Variants in RFX8 observed in about 807,000 individuals in gnomAD.
The protein encoded by RFX8 is DNA-binding protein RFX8.
RFX8 carries 46 observed loss-of-function variants against 54.6 expected under a neutral mutation model. The observed-to-expected ratio is 0.84, with a 90% confidence interval of 0.67 to 1.08. The LOEUF is 1.08. Ranked by LOEUF, RFX8 falls within the 50% of genes least tolerant of loss-of-function variation. RFX8 has a pLI of 0.00. For synonymous variants in RFX8, 192 were observed against 209.5 expected (o/e 0.92, Z 0.72); for missense variants, 536 against 562.3 (o/e 0.95, Z 0.47).
chr2:101,405,063 C>A (rs1685652899), intron 10 of RFX8, among the ~76,000 whole-genome samples: 1 of 152,006 alleles, frequency 6.6e-6, no homozygotes, highest in Admixed American at 6.6e-5. Flanking sequence ...AGGAAGGTGC[C>A]TGGGAAACAA....
At chr2:101,451,975 C>T (rs1480259195) in intron 2 of RFX8, among the ~76,000 whole-genome samples, 1 of 152,044 alleles carries the variant, frequency 6.6e-6, no homozygotes, top group Non-Finnish European at 1.5e-5. Flanking sequence ...CACCTGCAGT[C>T]CTAGCTACTC....
intron 2 of RFX8, among the ~76,000 whole-genome samples, chr2:101,457,432 A>T (rs940478717): frequency 1.3e-5 from 2 of 152,212 alleles, no homozygotes; most frequent in Non-Finnish European, 2.9e-5. Flanking sequence ...TTTCAAAAAG[A>T]ACATCTCTAT....
At chr2:101,403,095 A>G (rs532577236) in intron 10 of RFX8, among the ~76,000 whole-genome samples, 27 of 152,304 alleles carry the variant, frequency 1.8e-4, no homozygotes, top group Non-Finnish European at 3.5e-4. Flanking sequence ...ATCGTGCCCC[A>G]TGTATGATCC....
At chr2:101,410,085 T>C (rs1554068) in intron 9 of RFX8, among the ~76,000 whole-genome samples, 149,181 of 152,144 alleles carry the variant, frequency 0.98, 73,298 homozygotes, top group Middle Eastern at 1. Context: ...CCCCCTGAAA[T>C]AGACAAAACC....
At chr2:101,468,594 T>C (rs1689713337) in intron 1 of RFX8, among the ~76,000 whole-genome samples, 2 of 152,172 alleles carry the variant, frequency 1.3e-5, no homozygotes, top group East Asian at 3.9e-4. Context: ...ATGGCTAGTA[T>C]CTCTGTGAAT....
chr2:101,440,189 G>C (rs1280258972), intron 2 of RFX8, among the ~76,000 whole-genome samples: 1 of 151,612 alleles, frequency 6.6e-6, no homozygotes, highest in East Asian at 1.9e-4. Flanking sequence ...TTTTTTTAAA[G>C]CATATCCACA....
intron 2 of RFX8, among the ~76,000 whole-genome samples, chr2:101,466,057 G>A (rs1344278917): frequency 6.6e-6 from 1 of 152,208 alleles, no homozygotes; most frequent in Non-Finnish European, 1.5e-5. Context: ...ACTGTGTTTG[G>A]AAGAACGGAT....
chr2:101,473,043 A>G (rs1410438330), intron 1 of RFX8, among the ~76,000 whole-genome samples: 1 of 152,028 alleles, frequency 6.6e-6, no homozygotes, highest in East Asian at 1.9e-4. Flanking sequence ...GAAAAGAAAG[A>G]AAGGAAAAGA....
intron 11 of RFX8, among the ~76,000 whole-genome samples, chr2:101,402,144 G>A (rs978440264): frequency 6.6e-6 from 1 of 152,226 alleles, no homozygotes; most frequent in African/African-American, 2.4e-5. Context: ...TGCTACTGCT[G>A]AGTTAGTCTA....
intron 2 of RFX8, among the ~76,000 whole-genome samples, chr2:101,449,274 C>T (rs781642008): frequency 1.1e-4 from 17 of 152,118 alleles, no homozygotes; most frequent in Non-Finnish European, 2.2e-4. Flanking sequence ...CAAGCACTCA[C>T]GTGTTTCTGA....
intron 2 of RFX8, among the ~76,000 whole-genome samples, chr2:101,442,063 C>T (rs1688129664): frequency 6.6e-6 from 1 of 152,156 alleles, no homozygotes; most frequent in South Asian, 2.1e-4. Context: ...TTGAGTACAT[C>T]TCTTGGTATA....
intron 10 of RFX8, among the ~76,000 whole-genome samples, chr2:101,405,221 G>T (rs922452778): frequency 1.3e-5 from 2 of 150,260 alleles, no homozygotes; most frequent in Non-Finnish European, 3.0e-5. Context: ...ATCTCAGCTC[G>T]CCACAACTTC....
intron 2 of RFX8, among the ~76,000 whole-genome samples, chr2:101,440,966 A>ATTTT (rs70946645): frequency 0.03 from 3,410 of 113,332 alleles, 174 homozygotes; most frequent in African/African-American, 0.037. Flanking sequence ...CCATGTTGAA[A>ATTTT]TTTTTTTTTT....
rs144389802 is a variant in RFX8, at chr2:101,410,551, G to A, written c.813+68C>T. The A allele has an allele frequency of 4.5e-3, 3,600 of 796,660 alleles. 24 individuals carry two copies. The highest frequency in any genetic ancestry group is 3.9e-3 in the Non-Finnish European group (1,877 of 483,990). The allele number at this position is 796,660 out of a possible 1,614,324, so 49.3% of individuals were successfully genotyped here. A position where few individuals can be genotyped will look rare whatever the true frequency, so the allele number is the denominator to read the frequency against. ...TAAGAAGCCTCTTTCCCATCCCTTA[G>A]GCAATGGGCACTCATTTATCTAGAA... On this transcript the variant is annotated intron_variant, in intron 9 of 11. Coordinates refer to ENST00000428343, the MANE Select transcript of RFX8 (RefSeq NM_001145664.2).
intron 6 of RFX8, among the ~76,000 whole-genome samples, chr2:101,416,960 C>A (rs1442188803): frequency 6.6e-6 from 1 of 152,060 alleles, no homozygotes; most frequent in Non-Finnish European, 1.5e-5. Context: ...GTGAGAATGC[C>A]CTGGTGAATA....
At chr2:101,423,769 A>G (rs1687007560) in intron 2 of RFX8, among the ~76,000 whole-genome samples, 1 of 152,106 alleles carries the variant, frequency 6.6e-6, no homozygotes, top group Non-Finnish European at 1.5e-5. Flanking sequence ...CCCACCCTTT[A>G]GCAGAGGAGT....
intron 2 of RFX8, among the ~76,000 whole-genome samples, chr2:101,453,925 T>G (rs1396393557): frequency 6.6e-6 from 1 of 152,188 alleles, no homozygotes; most frequent in Admixed American, 6.5e-5. Flanking sequence ...GTACTTTAAG[T>G]TCTAGGGTAC....
chr2:101,422,836 TC>T (rs1686941615), intron 2 of RFX8, among the ~76,000 whole-genome samples: 1 of 152,206 alleles, frequency 6.6e-6, no homozygotes, highest in South Asian at 2.1e-4. Context: ...ATGTAATTGT[TC>T]CTCCTTGAAA....
chr2:101,415,809 AT>A (rs1686463147), intron 6 of RFX8, among the ~76,000 whole-genome samples: 2 of 152,230 alleles, frequency 1.3e-5, no homozygotes, highest in Non-Finnish European at 2.9e-5. Flanking sequence ...CTCCCATGCG[AT>A]GTGCGAGCAC....
Sources: gnomAD v4.1 joint callset for allele counts (sites outside exome capture counted in the v4.1 genomes callset) on GRCh38, gnomAD v4.1.1 for gene constraint, MANE v1.5 for transcripts, NCBI Gene and HGNC (gene_info 2026-07-23, HGNC 2026-07-21) for gene names.